Variants in JAKMIP1 observed in about 807,000 individuals in gnomAD.
JAKMIP1 encodes janus kinase and microtubule-interacting protein 1.
A neutral mutation model predicts 113.0 loss-of-function variants in JAKMIP1; 33 were observed. The ratio of observed to expected loss-of-function variants is 0.29; its 90% CI spans 0.22 to 0.39. The LOEUF (loss-of-function observed/expected upper bound fraction) is 0.39. Ranked by LOEUF, JAKMIP1 falls within the 10% of genes least tolerant of loss-of-function variation. JAKMIP1 has a pLI of 1.00. For missense variants in JAKMIP1, 813 were observed against 1,080.5 expected (o/e 0.75, Z 3.47); for synonymous variants, 480 against 459.9 (o/e 1.04, Z -0.56).
Position 6,064,907 on chromosome 4 carries a change from T to C in JAKMIP1, c.1404A>G (p.Pro468=), listed in dbSNP as rs747689420. ...CGTCCAAGTCTTCTTCGGGCGTGGC[T>C]GGGGTCCTGTCTGTCCTGTCTGTGT... The part of the protein sequence containing the change: ...SYNTDRTDRT[P]ATPEEDLDDA... The change falls in exon 9 of 21, where the codon CCA becomes CCG. Residue 468 remains proline, a synonymous_variant. Transcript: ENST00000409021. This position sits in a 1 kb window ranked among gnomAD's most constrained non-coding sequence, Gnocchi z 4.3. 2 of 1,614,178 alleles carry C rather than the reference T, an allele frequency of 1.2e-6. No individual in the cohort carries two copies. The highest frequency in any genetic ancestry group is 4.5e-5 in the East Asian group (2 of 44,874).
chr4:6,181,659 AAGT>A lies in JAKMIP1; in HGVS notation c.-148+18591_-148+18593del, dbSNP rs1354648589. 6.6e-6 allele frequency among the ~76,000 whole-genome samples: 1 copy of A among 152,146 alleles called. No individual in the cohort carries two copies. The highest frequency in any genetic ancestry group is 6.5e-5 in the Admixed American group (1 of 15,274). ...AGATGGAGGAGCAGGGGTCAAAGAA[AAGT>A]CAATTGGCATCAGAGAGGGAGAGCA... On this transcript the variant is annotated intron_variant, in intron 1 of 20. Transcript: ENST00000409021. The surrounding 1 kb of genome is among the most constrained non-coding windows in gnomAD (Gnocchi z 5.4).
Position 6,134,558 on chromosome 4 carries a change from G to T in JAKMIP1, c.-147-21561C>A, listed in dbSNP as rs115977594. On this transcript the variant is annotated intron_variant, in intron 1 of 20. Transcript: ENST00000409021. ...CTAGGCTGGGTCAAGGGCTTCCTCT[G>T]CATACCAATAGTTCCTCAAGCTTCC... Among the ~76,000 whole-genome samples, 377 of 152,266 alleles carry T rather than the reference G, an allele frequency of 2.5e-3. 3 individuals are homozygous for T. The highest frequency in any genetic ancestry group is 8.8e-3 in the African/African-American group (365 of 41,548).
intron 1 of JAKMIP1, among the ~76,000 whole-genome samples, chr4:6,149,527 C>T (rs4560489): frequency 0.042 from 6,443 of 152,272 alleles, 312 homozygotes; most frequent in African/African-American, 0.12. Context: ...GAAACCAACT[C>T]GCACTCGAAA....
At chr4:6,056,832 A>C in intron 11 of JAKMIP1, 73 bp from the exon 12 acceptor site, 1 of 1,019,212 alleles carries the variant, frequency 9.8e-7, no homozygotes, top group South Asian at 1.3e-5. Flanking sequence ...TTTTAGTGAG[A>C]AAGGTCACTT....
At chr4:6,160,228 A>C (rs959977416) in intron 1 of JAKMIP1, among the ~76,000 whole-genome samples, 4 of 152,166 alleles carry the variant, frequency 2.6e-5, no homozygotes, top group African/African-American at 9.7e-5. Flanking sequence ...GAAAGTCAAA[A>C]TGTCAGGTAT....
At chr4:6,048,137 G>A (rs574718283) in intron 16 of JAKMIP1, among the ~76,000 whole-genome samples, 1 of 152,314 alleles carries the variant, frequency 6.6e-6, no homozygotes, top group South Asian at 2.1e-4. Context: ...AAACAATGAC[G>A]TGATACGGTT....
intron 1 of JAKMIP1, among the ~76,000 whole-genome samples, chr4:6,127,827 G>A (rs190427188): frequency 3.3e-5 from 5 of 152,314 alleles, no homozygotes; most frequent in African/African-American, 9.6e-5. Context: ...TTCTCATTTC[G>A]AACCAAAAAG....
rs1294884605 is a variant in JAKMIP1 at position 6,187,510 on chromosome 4, A to G, written c.-148+12743T>C. 6.6e-6 allele frequency among the ~76,000 whole-genome samples: 1 copy of G among 152,272 alleles called. No homozygotes were observed. Among genetic ancestry groups the G allele is most frequent in the African/African-American group, 2.4e-5 (1 of 41,476 alleles). The stretch of plus-strand genomic sequence containing the variant: ...GCGTTTGGCAAGTGATTAGGTCACG[A>G]GGGCGAGCCCTCATAAATGAGATTA... On this transcript the variant is annotated intron_variant, in intron 1 of 20. Coordinates refer to ENST00000409021, the MANE Select transcript of JAKMIP1 (RefSeq NM_001099433.2). The surrounding 1 kb of genome is among the most constrained non-coding windows in gnomAD (Gnocchi z 4.2).
chr4:6,133,237 C>A (rs1375726633), intron 1 of JAKMIP1, among the ~76,000 whole-genome samples: 2 of 152,202 alleles, frequency 1.3e-5, no homozygotes, highest in Non-Finnish European at 2.9e-5. Flanking sequence ...ATTCTATAGG[C>A]AGACCTCCGC....
At chr4:6,074,863 T>C (rs1159237056) in intron 8 of JAKMIP1, among the ~76,000 whole-genome samples, 1 of 152,232 alleles carries the variant, frequency 6.6e-6, no homozygotes, top group Admixed American at 6.5e-5. Context: ...CAGTATTCAG[T>C]ACAGTAGCAT....
rs1346591554 is a variant in JAKMIP1, at chr4:6,050,124, T to TC, written c.1909-253dup. On this transcript the variant is annotated intron_variant, in intron 14 of 20. Coordinates refer to ENST00000409021, the MANE Select transcript of JAKMIP1 (RefSeq NM_001099433.2). This position sits in a 1 kb window ranked among gnomAD's most constrained non-coding sequence, Gnocchi z 7.4. ...TGGAAGCGGGTGAGTCAGGACGCTG[T>TC]CCCTGGAGCTGAGCAGGGCTCTAGG... is the stretch of plus-strand genomic sequence containing the variant. Among the ~76,000 whole-genome samples, 1 of 152,220 alleles carries TC rather than the reference T, an allele frequency of 6.6e-6. No homozygotes were observed. Among genetic ancestry groups the TC allele is most frequent in the Non-Finnish European group, 1.5e-5 (1 of 68,042 alleles).
rs1722311946 is a variant in JAKMIP1 at position 6,156,986 on chromosome 4, A to G, written c.-148+43267T>C. ...GTTAATCCCCAATGCACCAGTGTAA[A>G]GAGGGGGGACCTTTAAGGGGTGATT... On this transcript the variant is annotated intron_variant, in intron 1 of 20. Coordinates refer to ENST00000409021, the MANE Select transcript of JAKMIP1 (RefSeq NM_001099433.2). The surrounding 1 kb of genome is among the most constrained non-coding windows in gnomAD (Gnocchi z 5.0). 6.6e-6 allele frequency among the ~76,000 whole-genome samples: 1 copy of G among 152,208 alleles called. No individual in the cohort carries two copies.
At position 6,076,130 on chromosome 4, in the gene JAKMIP1, T is replaced by C. The variant is rs367788227; in HGVS notation, c.1302+2809A>G. ...GGCAGAGGTTGCAATGAGCCGAGAT[T>C]GTGCCATTGCACTCCAGCCCAGGCA... On this transcript the variant is annotated intron_variant, in intron 8 of 20. Transcript: ENST00000409021. This position sits in a 1 kb window ranked among gnomAD's most constrained non-coding sequence, Gnocchi z 4.8. Among the ~76,000 whole-genome samples the C allele has an allele frequency of 1.2e-4, 19 of 152,294 alleles. No homozygotes were observed. In the South Asian group the frequency reaches 3.9e-3, roughly 32 times the overall value.
rs7655218 is a variant in JAKMIP1, at chr4:6,180,197, A to T, written c.-148+20056T>A. 0.97 allele frequency among the ~76,000 whole-genome samples: 147,735 copies of T among 152,274 alleles called. 71,831 individuals are homozygous for T. Among genetic ancestry groups the T allele is most frequent in the East Asian group, 1 (5,180 of 5,180 alleles). On this transcript the variant is annotated intron_variant, in intron 1 of 20. Coordinates refer to ENST00000409021, the MANE Select transcript of JAKMIP1 (RefSeq NM_001099433.2). This position sits in a 1 kb window ranked among gnomAD's most constrained non-coding sequence, Gnocchi z 4.5. ...ATGCTTCCAATATCAGAAAACCACCAACTTCAATTCCCCACCAAACATACC... is the reference window on the plus strand; with the variant it reads ...ATGCTTCCAATATCAGAAAACCACCTACTTCAATTCCCCACCAAACATACC...
At chr4:6,122,526 T>C (rs992765704) in intron 1 of JAKMIP1, among the ~76,000 whole-genome samples, 3 of 152,182 alleles carry the variant, frequency 2.0e-5, no homozygotes, top group African/African-American at 7.2e-5. Context: ...CTTTAAAAGA[T>C]GGTGCTGAGA....
rs1728023701 is a variant in JAKMIP1 at position 6,197,965 on chromosome 4, G to A, written c.-148+2288C>T. ...TGCCACTTCCTCGTGCAGCCTTCCT[G>A]GCCGGGCCGCCTGTCCCCATCTCTC... On this transcript the variant is annotated intron_variant, in intron 1 of 20. Coordinates refer to ENST00000409021, the MANE Select transcript of JAKMIP1 (RefSeq NM_001099433.2). This position sits in a 1 kb window ranked among gnomAD's most constrained non-coding sequence, Gnocchi z 6.5. Among the ~76,000 whole-genome samples the A allele has an allele frequency of 6.6e-6, 1 of 152,148 alleles. No individual in the cohort carries two copies.
chr4:6,057,117 T>C (rs796294215), intron 11 of JAKMIP1, among the ~76,000 whole-genome samples: 1 of 152,140 alleles, frequency 6.6e-6, no homozygotes, highest in Non-Finnish European at 1.5e-5. Flanking sequence ...CACACTGACA[T>C]GCTTTTGTTC....
chr4:6,039,248 T>A (rs73071591), intron 18 of JAKMIP1, among the ~76,000 whole-genome samples: 1 of 152,226 alleles, frequency 6.6e-6, no homozygotes, highest in Admixed American at 6.5e-5. Flanking sequence ...CCCCAAGGTG[T>A]TCCGAAGTGT....
At position 6,076,799 on chromosome 4, in the gene JAKMIP1, C is replaced by T. The variant is rs561575221; in HGVS notation, c.1302+2140G>A. Among the ~76,000 whole-genome samples, 16 of 152,278 alleles carry T rather than the reference C, an allele frequency of 1.1e-4. No individual in the cohort carries two copies. The highest frequency in any genetic ancestry group is 2.4e-4 in the Non-Finnish European group (16 of 68,022). On this transcript the variant is annotated intron_variant, in intron 8 of 20. Coordinates refer to ENST00000409021, the MANE Select transcript of JAKMIP1 (RefSeq NM_001099433.2). The surrounding 1 kb of genome is among the most constrained non-coding windows in gnomAD (Gnocchi z 4.8). ...ACATGAAATTCATTTGTTTCATATACACTTTATATATAATACATAGCCTGA... is the reference window on the plus strand; with the variant it reads ...ACATGAAATTCATTTGTTTCATATATACTTTATATATAATACATAGCCTGA...
Sources: allele counts gnomAD v4.1 joint callset (sites outside exome capture counted in the v4.1 genomes callset), GRCh38; gene constraint gnomAD v4.1.1; non-coding constraint Gnocchi (gnomAD v3.1); transcripts MANE v1.5; gene names NCBI Gene and HGNC (gene_info 2026-07-23, HGNC 2026-07-21).